NEURL1: variants seen among roughly 807,000 people sequenced by gnomAD.
The protein encoded by NEURL1 is neuralized E3 ubiquitin protein ligase 1.
Under a neutral mutation model 41.2 loss-of-function variants are expected in NEURL1, and 26 were observed. The observed-to-expected ratio is 0.63, with a 90% confidence interval of 0.46 to 0.87. The LOEUF (loss-of-function observed/expected upper bound fraction) is 0.87. Ranked by LOEUF, NEURL1 falls within the 40% of genes least tolerant of loss-of-function variation. The pLI is 0.00. For synonymous variants in NEURL1, 400 were observed against 402.3 expected, an observed-to-expected ratio of 0.99 and a Z score of 0.07; for missense variants, 761 against 871.1, an observed-to-expected ratio of 0.87 and a Z score of 1.59.
rs1367906849 is a variant in NEURL1 at position 103,556,332 on chromosome 10, T to TG, written c.86-14536dup. ...TGTGTCTTCCCTGGGCCCTGGGAACTGGGGTCCTTTACAAACCAGCCAGAA... is the reference window on the plus strand; with the variant it reads ...TGTGTCTTCCCTGGGCCCTGGGAACTGGGGGTCCTTTACAAACCAGCCAGAA... On this transcript the variant is annotated intron_variant, in intron 1 of 5. Coordinates refer to ENST00000369780, the MANE Select transcript of NEURL1 (RefSeq NM_004210.5). This position sits in a 1 kb window ranked among gnomAD's most constrained non-coding sequence, Gnocchi z 4.4. Among the ~76,000 whole-genome samples, 1 of 152,156 alleles carries TG rather than the reference T, an allele frequency of 6.6e-6. No individual in the cohort carries two copies. The highest frequency in any genetic ancestry group is 1.5e-5 in the Non-Finnish European group (1 of 68,008).
Position 103,494,158 on chromosome 10 carries a change from G to T in NEURL1, c.-230G>T. 1 of 464,352 alleles carries T rather than the reference G, an allele frequency of 2.2e-6. No homozygotes were observed. The highest frequency in any genetic ancestry group is 3.8e-6 in the Non-Finnish European group (1 of 263,662). 28.8% of individuals were successfully genotyped at this position (464,352 alleles called of 1,614,324 possible). On this transcript the variant is annotated 5_prime_UTR_variant, in exon 1 of 6. In the 5' UTR this introduces an upstream ATG that the reference lacks. Coordinates refer to ENST00000369780, the MANE Select transcript of NEURL1 (RefSeq NM_004210.5). ...CCCGCTCCCGCCACGGGGCATGGGAGGCAGGTAGCCCAGCCTGCGCCAGGA... is the reference window on the plus strand; with the variant it reads ...CCCGCTCCCGCCACGGGGCATGGGATGCAGGTAGCCCAGCCTGCGCCAGGA...
intron 1 of NEURL1, among the ~76,000 whole-genome samples, chr10:103,537,865 T>C (rs1210014546): frequency 2.0e-5 from 3 of 152,124 alleles, no homozygotes; most frequent in African/African-American, 7.2e-5. Flanking sequence ...ACAAGTTCCC[T>C]TGTGCCTTAA....
At chr10:103,503,788 C>CT (rs56098530) in intron 1 of NEURL1, among the ~76,000 whole-genome samples, 28,780 of 110,392 alleles carry the variant, frequency 0.26, 5,163 homozygotes, top group Admixed American at 0.3. Context: ...CTCCCCCTGG[C>CT]TTTTTTTTTT....
At chr10:103,542,121 G>A (rs2034832656) in intron 1 of NEURL1, among the ~76,000 whole-genome samples, 1 of 152,198 alleles carries the variant, frequency 6.6e-6, no homozygotes, top group Non-Finnish European at 1.5e-5. Flanking sequence ...CACTGAGAAG[G>A]GGAATGAAAC....
At chr10:103,571,201 C>A in intron 2 of NEURL1, 88 bp downstream of exon 2, 3 of 1,366,386 alleles carry the variant, frequency 2.2e-6, no homozygotes, top group Admixed American at 1.8e-5. Context: ...GCCCCTCAGC[C>A]GCTGCCTGCT....
At chr10:103,502,690 G>A (rs2033852100) in intron 1 of NEURL1, among the ~76,000 whole-genome samples, 1 of 152,226 alleles carries the variant, frequency 6.6e-6, no homozygotes, top group Non-Finnish European at 1.5e-5. Flanking sequence ...TGCACAGTGA[G>A]GCACAGGCAT....
At chr10:103,516,731 G>A (rs567018449) in intron 1 of NEURL1, among the ~76,000 whole-genome samples, 1 of 152,284 alleles carries the variant, frequency 6.6e-6, no homozygotes, top group Admixed American at 6.5e-5. Flanking sequence ...CCTACGAATT[G>A]CCTGGAGAGC....
In NEURL1 at chr10:103,590,416, C is replaced by T; in HGVS notation, c.*44C>T. The T allele has an allele frequency of 6.6e-7, 1 of 1,522,720 alleles. No individual in the cohort carries two copies. The highest frequency in any genetic ancestry group is 9.1e-7 in the Non-Finnish European group (1 of 1,099,554). The allele number at this position is 1,522,720 out of a possible 1,614,324, so 94.3% of individuals were successfully genotyped here. ...CCCGCATACCCATCTTCTCGGGCTT[C>T]AGCCCAGTCCCAGCTGAGGAACAAG... On this transcript the variant is annotated 3_prime_UTR_variant, in exon 6 of 6. Transcript: ENST00000369780.
At chr10:103,496,829 GAGA>G (rs1446854922) in intron 1 of NEURL1, among the ~76,000 whole-genome samples, 1 of 152,150 alleles carries the variant, frequency 6.6e-6, no homozygotes, top group Non-Finnish European at 1.5e-5. Flanking sequence ...CTATCTTCCT[GAGA>G]AGGTCTTGCT....
intron 3 of NEURL1, among the ~76,000 whole-genome samples, chr10:103,574,101 G>A (rs2035605750): frequency 2.6e-5 from 4 of 152,190 alleles, no homozygotes; most frequent in Admixed American, 2.6e-4. Context: ...GTAGTCAGGG[G>A]CAGGGTGGGG....
At chr10:103,572,492 C>T (rs923936061) in intron 3 of NEURL1, among the ~76,000 whole-genome samples, 2 of 152,212 alleles carry the variant, frequency 1.3e-5, no homozygotes, top group African/African-American at 4.8e-5. Flanking sequence ...AAGTTAGGCT[C>T]TTTGAGGACA....
At chr10:103,580,005 C>T (rs1160644008) in intron 3 of NEURL1, among the ~76,000 whole-genome samples, 2 of 152,154 alleles carry the variant, frequency 1.3e-5, no homozygotes, top group Non-Finnish European at 2.9e-5. Context: ...CTTCCACTGA[C>T]TCTTGGCTCC....
chr10:103,533,748 G>A (rs1378631818), intron 1 of NEURL1, among the ~76,000 whole-genome samples: 1 of 152,304 alleles, frequency 6.6e-6, no homozygotes, highest in African/African-American at 2.4e-5. Flanking sequence ...GTGTTAGCCA[G>A]GATGGTCTCG....
chr10:103,521,628 A>T (rs927816920), intron 1 of NEURL1, among the ~76,000 whole-genome samples: 3 of 152,222 alleles, frequency 2.0e-5, no homozygotes, highest in Non-Finnish European at 4.4e-5. Context: ...AGAAGAGGTT[A>T]TGAAATGATG....
intron 1 of NEURL1, among the ~76,000 whole-genome samples, chr10:103,512,755 T>C (rs918461185): frequency 6.6e-6 from 1 of 152,136 alleles, no homozygotes; most frequent in African/African-American, 2.4e-5. Context: ...AGGGGAGGGC[T>C]TCAGGTGTCT....
intron 1 of NEURL1, among the ~76,000 whole-genome samples, chr10:103,498,296 C>T (rs891100420): frequency 3.9e-5 from 6 of 152,304 alleles, no homozygotes; most frequent in Admixed American, 6.5e-5. Flanking sequence ...GGCGCGATCT[C>T]GGCTCACTGC....
chr10:103,496,853 C>T (rs1329171880), intron 1 of NEURL1, among the ~76,000 whole-genome samples: 2 of 152,172 alleles, frequency 1.3e-5, no homozygotes, highest in Non-Finnish European at 2.9e-5. Context: ...CCATCCTTGA[C>T]TCTGTGGAAA....
chr10:103,533,234 TCTC>T (rs1266602213), intron 1 of NEURL1, among the ~76,000 whole-genome samples: 3 of 152,044 alleles, frequency 2.0e-5, no homozygotes, highest in Non-Finnish European at 4.4e-5. Flanking sequence ...GCCCTTCTCT[TCTC>T]CTTTTAAAAC....
In NEURL1 at chr10:103,585,243, C is replaced by CGCCTGGGCGTATGCCTTTCCTG; in HGVS notation, c.1339+20_1339+41dup. The CGCCTGGGCGTATGCCTTTCCTG allele has an allele frequency of 6.7e-7, 1 of 1,485,454 alleles. No individual in the cohort carries two copies. Among genetic ancestry groups the CGCCTGGGCGTATGCCTTTCCTG allele is most frequent in the East Asian group, 2.5e-5 (1 of 39,814 alleles). 92.0% of individuals were successfully genotyped at this position (1,485,454 alleles called of 1,614,324 possible). A position where few individuals can be genotyped will look rare whatever the true frequency, so the allele number is the denominator to read the frequency against. ...CATCCTCGGTGAGTGCCCGCAGCTG[C>CGCCTGGGCGTATGCCTTTCCTG]GCCTGGGCGTATGCCTTTCCTGGAG... On this transcript the variant is annotated intron_variant, in intron 4 of 5. Coordinates refer to ENST00000369780, the MANE Select transcript of NEURL1 (RefSeq NM_004210.5).
Sources: gnomAD v4.1 joint callset for allele counts (sites outside exome capture counted in the v4.1 genomes callset) on GRCh38, gnomAD v4.1.1 for gene constraint, Gnocchi (gnomAD v3.1) non-coding constraint, MANE v1.5 for transcripts, NCBI Gene and HGNC (gene_info 2026-07-23, HGNC 2026-07-21) for gene names.